DSCAM: variants seen among roughly 807,000 people sequenced by gnomAD.
DSCAM encodes the protein DS cell adhesion molecule, also known as cell adhesion molecule DSCAM.
In DSCAM, 47 loss-of-function variants were observed where a neutral mutation model predicts 217.7. That is an observed-to-expected ratio of 0.22 (90% confidence interval 0.17 to 0.28). The LOEUF is 0.28. DSCAM is among the 10% of genes least tolerant of loss of function. The pLI, the probability that DSCAM is intolerant of heterozygous loss-of-function variation, is 1.00. For synonymous variants in DSCAM, 1,056 were observed against 1,015.3 expected (o/e 1.04, Z -0.76); for missense variants, 2,080 against 2,618.3 (o/e 0.79, Z 4.49).
intron 1 of DSCAM, among the ~76,000 whole-genome samples, chr21:40,783,936 G>T (rs1396990482): frequency 6.6e-6 from 1 of 151,758 alleles, no homozygotes; most frequent in Non-Finnish European, 1.5e-5. Context: ...GGTCAAATTT[G>T]CTTCTGTATA....
chr21:40,180,495 A>G (rs995892540), intron 14 of DSCAM, among the ~76,000 whole-genome samples: 24 of 152,198 alleles, frequency 1.6e-4, no homozygotes, highest in Admixed American at 1.6e-3. Flanking sequence ...GAAGAATGGG[A>G]TTCAATGGAA....
intron 11 of DSCAM, among the ~76,000 whole-genome samples, chr21:40,189,631 T>G (rs1262384131): frequency 1.3e-5 from 2 of 152,078 alleles, no homozygotes; most frequent in African/African-American, 4.8e-5. Context: ...GGTAATTGAG[T>G]CATGGAGGCG....
chr21:40,641,205 T>C (rs2089874513), intron 3 of DSCAM, among the ~76,000 whole-genome samples: 1 of 152,110 alleles, frequency 6.6e-6, no homozygotes, highest in South Asian at 2.1e-4. Flanking sequence ...CGCATGGCAG[T>C]GTGGATAAGA....
At chr21:40,658,005 A>T (rs969607325) in intron 3 of DSCAM, among the ~76,000 whole-genome samples, 3 of 152,238 alleles carry the variant, frequency 2.0e-5, no homozygotes, top group African/African-American at 7.2e-5. Context: ...TTGGCCAGGT[A>T]AAGTTTCCCT....
chr21:40,286,288 C>T (rs1332696899), intron 10 of DSCAM, among the ~76,000 whole-genome samples: 2 of 152,192 alleles, frequency 1.3e-5, no homozygotes, highest in African/African-American at 4.8e-5. Flanking sequence ...AAAAGAGACA[C>T]TTGTCTGAGC....
At chr21:40,463,407 C>T (rs1056594174) in intron 3 of DSCAM, among the ~76,000 whole-genome samples, 4 of 152,140 alleles carry the variant, frequency 2.6e-5, no homozygotes, top group African/African-American at 9.7e-5. Flanking sequence ...ATACCGAGAC[C>T]ACCCGGTATT....
At chr21:40,563,805 T>C (rs1407805227) in intron 3 of DSCAM, among the ~76,000 whole-genome samples, 1 of 148,072 alleles carries the variant, frequency 6.8e-6, no homozygotes, top group Non-Finnish European at 1.5e-5. Context: ...TATATAGTTA[T>C]ATGTGTATAT....
chr21:40,665,815 C>A (rs1457862174), intron 3 of DSCAM, among the ~76,000 whole-genome samples: 1 of 152,186 alleles, frequency 6.6e-6, no homozygotes, highest in Non-Finnish European at 1.5e-5. Flanking sequence ...GACAGATACA[C>A]CCCCATCTTA....
At chr21:40,553,778 A>AT (rs951009121) in intron 3 of DSCAM, among the ~76,000 whole-genome samples, 8 of 152,086 alleles carry the variant, frequency 5.3e-5, no homozygotes, top group South Asian at 4.1e-4. Flanking sequence ...CTTCTGAATT[A>AT]TTTTTTTTAA....
chr21:40,536,580 T>TG (rs1185597722), intron 3 of DSCAM, among the ~76,000 whole-genome samples: 2 of 151,946 alleles, frequency 1.3e-5, no homozygotes, highest in Non-Finnish European at 2.9e-5. Flanking sequence ...TTTTATTTTT[T>TG]TATTTTTAGT....
At chr21:40,705,685 C>T (rs1014799088) in intron 2 of DSCAM, among the ~76,000 whole-genome samples, 1 of 152,122 alleles carries the variant, frequency 6.6e-6, no homozygotes, top group Non-Finnish European at 1.5e-5. Context: ...GAAACTTACC[C>T]CATGATTCAA....
intron 3 of DSCAM, among the ~76,000 whole-genome samples, chr21:40,541,804 A>T (rs562381367): frequency 2.6e-5 from 4 of 152,314 alleles, no homozygotes; most frequent in Admixed American, 6.5e-5. Flanking sequence ...AAGAAATCCA[A>T]CCAAATTCAG....
chr21:40,770,894 T>TA (rs886195709), intron 1 of DSCAM, among the ~76,000 whole-genome samples: 14 of 152,148 alleles, frequency 9.2e-5, no homozygotes, highest in African/African-American at 2.9e-4. Context: ...AAAGTAAAAG[T>TA]AAAATGCAAA....
In DSCAM at chr21:40,796,556, A is replaced by C. The variant is rs541759286; in HGVS notation, c.43+50063T>G. 7.2e-5 allele frequency among the ~76,000 whole-genome samples: 11 copies of C among 152,302 alleles called. No homozygotes were observed. In the South Asian group the frequency reaches 2.3e-3, roughly 32 times the overall value. ...ATGCTGCCTCACTAAGCATACATGC[A>C]CTATTATGAGACAAGGTTCTAAATC... On this transcript the variant is annotated intron_variant, in intron 1 of 32. Coordinates refer to ENST00000400454, the MANE Select transcript of DSCAM (RefSeq NM_001389.5).
intron 3 of DSCAM, among the ~76,000 whole-genome samples, chr21:40,390,030 C>G (rs899870640): frequency 2.0e-5 from 3 of 152,302 alleles, no homozygotes; most frequent in South Asian, 2.1e-4. Context: ...ATTCCCCCAC[C>G]ACCCCACCCT....
chr21:40,545,840 C>T (rs1030386811), intron 3 of DSCAM, among the ~76,000 whole-genome samples: 1 of 152,186 alleles, frequency 6.6e-6, no homozygotes, highest in Admixed American at 6.5e-5. Flanking sequence ...GTAGCCCAGC[C>T]AGTCTGTCAC....
chr21:40,565,212 G>A (rs2076755781), intron 3 of DSCAM, among the ~76,000 whole-genome samples: 1 of 152,118 alleles, frequency 6.6e-6, no homozygotes, highest in African/African-American at 2.4e-5. Context: ...TGGCCAATGC[G>A]GCTAATAGGG....
chr21:40,043,113 GAT>G (rs770764254), intron 31 of DSCAM, among the ~76,000 whole-genome samples: 34 of 152,198 alleles, frequency 2.2e-4, no homozygotes, highest in Non-Finnish European at 4.1e-4. Flanking sequence ...AAGATGTGAT[GAT>G]ATTTAGAAAT....
Position 40,243,305 on chromosome 21 carries a change from T to TG in DSCAM, c.2356+32791dup, listed in dbSNP as rs995353685. Among the ~76,000 whole-genome samples the TG allele has an allele frequency of 5.7e-4, 87 of 152,328 alleles. 1 individual carries two copies. Among genetic ancestry groups the TG allele is most frequent in the African/African-American group, 2.0e-3 (83 of 41,572 alleles). On this transcript the variant is annotated intron_variant, in intron 11 of 32. Transcript: ENST00000400454. ...TTTAAAAATAAAATTTCAGTCTTTG[T>TG]GGGAGGGGATGGATTGAGCATTTCC...
Sources: allele counts gnomAD v4.1 joint callset (sites outside exome capture counted in the v4.1 genomes callset), GRCh38; gene constraint gnomAD v4.1.1; transcripts MANE v1.5; gene names NCBI Gene and HGNC (gene_info 2026-07-23, HGNC 2026-07-21).